Variants in GRB10 observed in about 807,000 individuals in gnomAD.
GRB10 encodes growth factor receptor-bound protein 10.
In GRB10, 20 loss-of-function variants were observed where a neutral mutation model predicts 80.9. The observed-to-expected ratio is 0.25, with a 90% CI of 0.17 to 0.36. The LOEUF (loss-of-function observed/expected upper bound fraction) is 0.36. Among genes scored for constraint, GRB10 ranks in the 10% least tolerant of loss-of-function variants. The pLI is 1.00. For synonymous variants in GRB10, 291 were observed against 291.5 expected (o/e 1.00, Z 0.02); for missense variants, 548 against 747.7 (o/e 0.73, Z 3.12).
chr7:50,773,451 G>GA (rs1351677851), intron 2 of GRB10, among the ~76,000 whole-genome samples: 1 of 48,970 alleles, frequency 2.0e-5, no homozygotes, highest in African/African-American at 6.0e-5. Context: ...GAAAGGGGAA[G>GA]GGAGGGGAGG....
At chr7:50,673,029 C>A (rs2060521686) in intron 6 of GRB10, among the ~76,000 whole-genome samples, 1 of 152,198 alleles carries the variant, frequency 6.6e-6, no homozygotes, top group Non-Finnish European at 1.5e-5. Context: ...GCACCCTCTC[C>A]CCTCCGTAAG....
chr7:50,649,983 T>C (rs1028947527), intron 7 of GRB10, among the ~76,000 whole-genome samples: 2 of 152,172 alleles, frequency 1.3e-5, no homozygotes, highest in African/African-American at 4.8e-5. Context: ...ATCTGGGTCA[T>C]GAGCAGAGAG....
chr7:50,703,263 G>T (rs1259085855), intron 5 of GRB10, among the ~76,000 whole-genome samples: 3 of 152,220 alleles, frequency 2.0e-5, no homozygotes, highest in African/African-American at 7.2e-5. Context: ...CAAACAACGT[G>T]CCACACGCAC....
intron 4 of GRB10, among the ~76,000 whole-genome samples, chr7:50,704,614 G>A (rs1307563112): frequency 6.6e-6 from 1 of 152,166 alleles, no homozygotes; most frequent in Non-Finnish European, 1.5e-5. Flanking sequence ...TAATTAGAAA[G>A]GTTTGAACTG....
At chr7:50,648,602 G>A (rs1305059994) in intron 7 of GRB10, among the ~76,000 whole-genome samples, 1 of 152,148 alleles carries the variant, frequency 6.6e-6, no homozygotes, top group Non-Finnish European at 1.5e-5. Context: ...AAGGATGGCA[G>A]AGCATAGGTC....
intron 7 of GRB10, among the ~76,000 whole-genome samples, chr7:50,653,216 G>A (rs960070002): frequency 1.4e-4 from 21 of 152,196 alleles, no homozygotes; most frequent in Admixed American, 2.6e-4. Context: ...GCCCTAGGCC[G>A]TGGGCCCCAG....
chr7:50,704,102 A>T (rs2064668097), intron 4 of GRB10, among the ~76,000 whole-genome samples, 194 bp from the exon 5 acceptor site: 1 of 152,216 alleles, frequency 6.6e-6, no homozygotes, highest in Non-Finnish European at 1.5e-5. Context: ...AAAAGGTGCA[A>T]GCTGTTTGGC....
rs2045689372 is a variant in GRB10 at position 50,590,102 on chromosome 7, C to T, written c.*2850G>A. ...CTGTATTAATGTTTATTTCTAATTACAAGAAACAGAACATCAGTCCCTTAT... is the reference window on the plus strand; with the variant it reads ...CTGTATTAATGTTTATTTCTAATTATAAGAAACAGAACATCAGTCCCTTAT... On this transcript the variant is annotated 3_prime_UTR_variant, in exon 19 of 19. Transcript: ENST00000401949. 6.6e-6 allele frequency: 1 copy of T among 152,158 alleles called. No individual in the cohort carries two copies. Among genetic ancestry groups the T allele is most frequent in the African/African-American group, 2.4e-5 (1 of 41,426 alleles). 9.4% of individuals were successfully genotyped at this position (152,158 alleles called of 1,614,324 possible). A position where few individuals can be genotyped will look rare whatever the true frequency, so the allele number is the denominator to read the frequency against.
In GRB10 at chr7:50,614,868, G is replaced by A. The variant is rs781715307; in HGVS notation, c.997C>T (p.Leu333=). Residue 333 remains leucine (L), a synonymous_variant, in exon 12 of 19, where the codon CTG becomes TTG. Coordinates refer to ENST00000401949, the MANE Select transcript of GRB10 (RefSeq NM_001350814.2). ...TKGTSKEPRH[L]QLLADLEDSN... is the part of the protein sequence containing the mutation. Reference sequence around the variant, plus strand: ...TCCTCCAGGTCGGCCAGCAGCTGCAGGTGTCTGGGTTCCTGTGACAACACT... The same window carrying A: ...TCCTCCAGGTCGGCCAGCAGCTGCAAGTGTCTGGGTTCCTGTGACAACACT... The A allele has an allele frequency of 1.2e-6, 2 of 1,612,460 alleles. No homozygotes were observed. The highest frequency in any genetic ancestry group is 2.2e-5 in the South Asian group (2 of 91,044).
At chr7:50,614,952 AG>A in intron 11 of GRB10, 72 bp from the exon 12 acceptor site, 2 of 942,764 alleles carry the variant, frequency 2.1e-6, no homozygotes, top group Non-Finnish European at 3.5e-6. Context: ...TGGTAGACAG[AG>A]GGCAGTCTCT....
chr7:50,605,878 T>C (rs1402585844), intron 14 of GRB10, among the ~76,000 whole-genome samples: 1 of 152,164 alleles, frequency 6.6e-6, no homozygotes, highest in Non-Finnish European at 1.5e-5. Context: ...TTTGAGAAGA[T>C]GAAGTGCTTC....
intron 3 of GRB10, chr7:50,747,429 C>T (rs1386560229): frequency 6.6e-6 from 1 of 152,222 alleles, no homozygotes; most frequent in Non-Finnish European, 1.5e-5. Context: ...TTCTTTGAGC[C>T]TTTAATCTAG....
intron 8 of GRB10, among the ~76,000 whole-genome samples, chr7:50,622,054 G>A (rs1030711386): frequency 6.6e-6 from 1 of 152,160 alleles, no homozygotes; most frequent in Non-Finnish European, 1.5e-5. Context: ...TGCAGCCCTT[G>A]GGCCACTCCC....
intron 2 of GRB10, among the ~76,000 whole-genome samples, chr7:50,770,554 G>A (rs988283011): frequency 2.0e-5 from 3 of 152,216 alleles, no homozygotes; most frequent in African/African-American, 7.2e-5. Context: ...ACCTCCAGGA[G>A]TGGTAAAGCC....
chr7:50,787,175 TG>T (rs2078726910), upstream of GRB10, among the ~76,000 whole-genome samples: 3 of 151,146 alleles, frequency 2.0e-5, no homozygotes, highest in Non-Finnish European at 4.4e-5. Flanking sequence ...GAGACAAGAG[TG>T]AGTGTAGGGT....
At chr7:50,622,147 T>C (rs1157069276) in intron 8 of GRB10, among the ~76,000 whole-genome samples, 1 of 152,190 alleles carries the variant, frequency 6.6e-6, no homozygotes, top group Non-Finnish European at 1.5e-5. Context: ...GCTAAGAAAC[T>C]GTCAACAGAG....
intron 8 of GRB10, among the ~76,000 whole-genome samples, chr7:50,623,272 A>C (rs949719642): frequency 2.6e-4 from 40 of 152,244 alleles, no homozygotes; most frequent in African/African-American, 9.4e-4. Context: ...CAGTGCTAAC[A>C]TAGGAAGGGA....
intron 6 of GRB10, 49 bp downstream of exon 6, chr7:50,674,387 G>C: frequency 1.3e-6 from 2 of 1,548,668 alleles, no homozygotes; most frequent in South Asian, 2.2e-5. Context: ...TGTCCCTGCC[G>C]ACAGCTCTCA....
chr7:50,594,148 A>G (rs2046236956), intron 18 of GRB10, among the ~76,000 whole-genome samples: 1 of 152,204 alleles, frequency 6.6e-6, no homozygotes, highest in Non-Finnish European at 1.5e-5. Flanking sequence ...GTATTTGCAT[A>G]TAAGGTTGGC....
Sources: allele counts gnomAD v4.1 joint callset (sites outside exome capture counted in the v4.1 genomes callset), GRCh38; gene constraint gnomAD v4.1.1; transcripts MANE v1.5; gene names NCBI Gene and HGNC (gene_info 2026-07-23, HGNC 2026-07-21).